Variants in CLPTM1 observed in about 807,000 individuals in gnomAD.
The protein encoded by CLPTM1 is putative lipid scramblase CLPTM1.
Under a neutral mutation model 77.3 loss-of-function variants are expected in CLPTM1, and 21 were observed. The observed-to-expected ratio is 0.27, with a 90% confidence interval of 0.19 to 0.39. The LOEUF (loss-of-function observed/expected upper bound fraction) is 0.39, where lower values mean the gene tolerates loss of function less well. Among genes scored for constraint, CLPTM1 ranks in the 10% least tolerant of loss-of-function variants. CLPTM1 has a pLI of 1.00. For missense variants in CLPTM1, 642 were observed against 921.2 expected, an observed-to-expected ratio of 0.70 and a Z score of 3.92; for synonymous variants, 373 against 381.0, an observed-to-expected ratio of 0.98 and a Z score of 0.24.
chr19:44,955,473 G>A lies in CLPTM1; in HGVS notation c.72+6G>A. The A allele has an allele frequency of 7.6e-7, 1 of 1,313,648 alleles. No individual in the cohort carries two copies. The highest frequency in any genetic ancestry group is 9.7e-7 in the Non-Finnish European group (1 of 1,031,592). The allele number at this position is 1,313,648 out of a possible 1,614,324, so 81.4% of individuals were successfully genotyped here. On this transcript the variant is annotated splice_donor_region_variant and intron_variant, in intron 1 of 13. Coordinates refer to ENST00000337392, the MANE Select transcript of CLPTM1 (RefSeq NM_001294.4). ...GGGGAGGCAGCTCCGGTCAGGTACGGAGGCCGAGAGGGGACTGAGGGGGTT... is the reference window on the plus strand; with the variant it reads ...GGGGAGGCAGCTCCGGTCAGGTACGAAGGCCGAGAGGGGACTGAGGGGGTT...
intron 5 of CLPTM1, among the ~76,000 whole-genome samples, chr19:44,979,900 G>C (rs901289149): frequency 2.0e-5 from 3 of 152,176 alleles, no homozygotes; most frequent in Non-Finnish European, 2.9e-5. Context: ...AGGTGACCCA[G>C]GTGGGTGGCT....
chr19:44,968,762 G>C (rs1970673349), intron 2 of CLPTM1, among the ~76,000 whole-genome samples: 1 of 152,230 alleles, frequency 6.6e-6, no homozygotes, highest in South Asian at 2.1e-4. Flanking sequence ...GGGCAGAGCT[G>C]CCTGGGGGCA....
intron 4 of CLPTM1, among the ~76,000 whole-genome samples, chr19:44,975,269 T>G (rs1005383601): frequency 6.6e-6 from 1 of 152,234 alleles, no homozygotes; most frequent in Admixed American, 6.5e-5. Flanking sequence ...TGGGGCCTCA[T>G]TGGGACTCCT....
chr19:44,957,011 C>G (rs1378274801), intron 1 of CLPTM1, among the ~76,000 whole-genome samples: 1 of 152,162 alleles, frequency 6.6e-6, no homozygotes, highest in Non-Finnish European at 1.5e-5. Flanking sequence ...CCTCTACGCA[C>G]TAGATGTCAG....
chr19:44,965,192 A>G (rs1035138744), intron 2 of CLPTM1, among the ~76,000 whole-genome samples: 1 of 152,220 alleles, frequency 6.6e-6, no homozygotes, highest in Non-Finnish European at 1.5e-5. Flanking sequence ...GGAATTGCAC[A>G]GCAGAGATGT....
At position 44,991,153 on chromosome 19, in the gene CLPTM1, C is replaced by G; in HGVS notation, c.1420-85C>G. ...AATTCCCCCTGCCCGGCCTGCCAGA[C>G]CAGGTGTGGTGGGTGAGGGCGGGGA... is the stretch of plus-strand genomic sequence containing the variant. On this transcript the variant is annotated intron_variant, in intron 11 of 13. Coordinates refer to ENST00000337392, the MANE Select transcript of CLPTM1 (RefSeq NM_001294.4). This position sits in a 1 kb window ranked among gnomAD's most constrained non-coding sequence, Gnocchi z 5.4. The G allele has an allele frequency of 6.3e-7, 1 of 1,588,564 alleles. No homozygotes were observed. The highest frequency in any genetic ancestry group is 8.6e-7 in the Non-Finnish European group (1 of 1,164,938).
intron 1 of CLPTM1, 64 bp from the exon 2 acceptor site, chr19:44,961,899 G>A (rs1970548803): frequency 9.3e-7 from 1 of 1,071,264 alleles, no homozygotes; most frequent in African/African-American, 1.6e-5. Flanking sequence ...CTTCATGCAT[G>A]ATGGTGTCTA....
At position 44,993,282 on chromosome 19, in the gene CLPTM1, C is replaced by A. The variant is rs774530783; in HGVS notation, c.*385C>A. 1.3e-5 allele frequency: 6 copies of A among 446,226 alleles called. No individual in the cohort carries two copies. The highest frequency in any genetic ancestry group is 2.6e-5 in the Admixed American group (1 of 38,086). The allele number at this position is 446,226 out of a possible 1,614,324, so 27.6% of individuals were successfully genotyped here. ...CCCTACCACACTCCCCCTCCTAGAC[C>A]GCCGCCCTTTAACACAGTCTGGATT... On this transcript the variant is annotated 3_prime_UTR_variant, in exon 14 of 14. Transcript: ENST00000337392.
chr19:44,973,429 G>T (rs1970753777), intron 3 of CLPTM1, among the ~76,000 whole-genome samples: 1 of 152,180 alleles, frequency 6.6e-6, no homozygotes, highest in Non-Finnish European at 1.5e-5. Flanking sequence ...TCACCCAAAA[G>T]AAAAAGCAAA....
chr19:44,967,992 A>G (rs187238441), intron 2 of CLPTM1, among the ~76,000 whole-genome samples: 57 of 152,042 alleles, frequency 3.7e-4, no homozygotes, highest in African/African-American at 1.3e-3. Flanking sequence ...AATTATTTTT[A>G]TCTTTCCCTT....
At chr19:44,964,298 CTTTTTTTTTTTTTTT>C (rs35539206) in intron 2 of CLPTM1, among the ~76,000 whole-genome samples, 4 of 68,152 alleles carry the variant, frequency 5.9e-5, no homozygotes, top group Non-Finnish European at 8.0e-5. Flanking sequence ...TCATTTTAAC[CTTTTTTTTTTTTTTT>C]TTTTTTTTTT....
rs368750459 is a variant in CLPTM1 at position 44,992,553 on chromosome 19, G to C, written c.1724-58G>C. ...CTTGCATCACGCCCTCTCCACCCAGGCCCACCTGGCTGTGGACGGGCCAGC... is the reference window on the plus strand; with the variant it reads ...CTTGCATCACGCCCTCTCCACCCAGCCCCACCTGGCTGTGGACGGGCCAGC... On this transcript the variant is annotated intron_variant, in intron 13 of 13. Coordinates refer to ENST00000337392, the MANE Select transcript of CLPTM1 (RefSeq NM_001294.4). This position sits in a 1 kb window ranked among gnomAD's most constrained non-coding sequence, Gnocchi z 7.7. 5.0e-6 allele frequency: 8 copies of C among 1,605,594 alleles called. No homozygotes were observed. In the East Asian group the frequency reaches 6.7e-5, roughly 13 times the overall value.
upstream of CLPTM1, chr19:44,954,597 A>G: frequency 9.7e-7 from 1 of 1,027,582 alleles, no homozygotes; most frequent in Non-Finnish European, 1.2e-6. Context: ...CTCCAAACTA[A>G]GGGTCTCTCA....
At chr19:44,985,363 C>G in intron 6 of CLPTM1, 60 bp downstream of exon 6, 1 of 1,176,092 alleles carries the variant, frequency 8.5e-7, no homozygotes, top group Non-Finnish European at 1.3e-6. Flanking sequence ...ACAGCTCATC[C>G]CAGACCACTG....
chr19:44,958,436 A>G (rs954573279), intron 1 of CLPTM1, among the ~76,000 whole-genome samples: 2 of 151,502 alleles, frequency 1.3e-5, no homozygotes, highest in African/African-American at 4.9e-5. Context: ...TCTCACCACA[A>G]TCTCGGCTCA....
At chr19:44,977,798 G>A (rs935476036) in intron 5 of CLPTM1, among the ~76,000 whole-genome samples, 1 of 152,096 alleles carries the variant, frequency 6.6e-6, no homozygotes, top group African/African-American at 2.4e-5. Context: ...GCACAGTAGG[G>A]GCCTGATAGA....
chr19:44,969,707 A>T (rs1279711537), intron 2 of CLPTM1, among the ~76,000 whole-genome samples: 8 of 112,128 alleles, frequency 7.1e-5, no homozygotes, highest in Non-Finnish European at 1.1e-4. Context: ...TTTTTTTTTG[A>T]GATGGAGTCT....
chr19:44,973,070 G>A lies in CLPTM1; in HGVS notation c.186-17G>A. The A allele has an allele frequency of 6.2e-7, 1 of 1,612,344 alleles. No individual in the cohort carries two copies. Among genetic ancestry groups the A allele is most frequent in the South Asian group, 1.1e-5 (1 of 90,968 alleles). On this transcript the variant is annotated splice_polypyrimidine_tract_variant and intron_variant, in intron 2 of 13. Coordinates refer to ENST00000337392, the MANE Select transcript of CLPTM1 (RefSeq NM_001294.4). ...CCAAGGCTTGGGGACTCACCACCTTGCTGCTTCTCTCCTCAGGATCTTCAT... is the reference window on the plus strand; with the variant it reads ...CCAAGGCTTGGGGACTCACCACCTTACTGCTTCTCTCCTCAGGATCTTCAT...
Position 44,990,634 on chromosome 19 carries a change from G to A in CLPTM1, c.1323+49G>A. On this transcript the variant is annotated intron_variant, in intron 10 of 13. Coordinates refer to ENST00000337392, the MANE Select transcript of CLPTM1 (RefSeq NM_001294.4). The surrounding 1 kb of genome is among the most constrained non-coding windows in gnomAD (Gnocchi z 4.8). The stretch of plus-strand genomic sequence containing the variant: ...CTCGGGAGCTGCAGGGGTTGGGAGG[G>A]GGTAGTGTGGCCCAGCTGGACCCTG... 1 of 1,591,704 alleles carries A rather than the reference G, an allele frequency of 6.3e-7. No individual in the cohort carries two copies. Among genetic ancestry groups the A allele is most frequent in the South Asian group, 1.1e-5 (1 of 89,856 alleles).
Sources: gnomAD v4.1 joint callset for allele counts (sites outside exome capture counted in the v4.1 genomes callset) on GRCh38, gnomAD v4.1.1 for gene constraint, Gnocchi (gnomAD v3.1) non-coding constraint, MANE v1.5 for transcripts, NCBI Gene and HGNC (gene_info 2026-07-23, HGNC 2026-07-21) for gene names.